The following JPH3 variants were observed in gnomAD, a reference collection of about 807,000 sequenced individuals.
JPH3 encodes junctophilin 3.
In JPH3, 11 loss-of-function variants were observed where a neutral mutation model predicts 59.6. The ratio of observed to expected loss-of-function variants is 0.18; its 90% confidence interval spans 0.12 to 0.31. JPH3 has a LOEUF of 0.31. JPH3 is among the 10% of genes least tolerant of loss of function. JPH3 has a pLI of 1.00. For synonymous variants in JPH3, 673 were observed against 483.6 expected, an observed-to-expected ratio of 1.39 and a Z score of -5.14; for missense variants, 1,202 against 1,105.7, an observed-to-expected ratio of 1.09 and a Z score of -1.24.
At chr16:87,619,467 A>G (rs1320009591) in intron 1 of JPH3, among the ~76,000 whole-genome samples, 1 of 152,184 alleles carries the variant, frequency 6.6e-6, no homozygotes, top group Non-Finnish European at 1.5e-5. Context: ...GACTTCTGAG[A>G]TAAACTGCGC....
At chr16:87,646,546 T>G (rs1030515820) in intron 2 of JPH3, among the ~76,000 whole-genome samples, 1 of 152,230 alleles carries the variant, frequency 6.6e-6, no homozygotes, top group Non-Finnish European at 1.5e-5. Flanking sequence ...CACAGGAAAA[T>G]AAATAACACT....
intron 2 of JPH3, among the ~76,000 whole-genome samples, chr16:87,656,132 G>A (rs2032494194): frequency 6.6e-6 from 1 of 152,234 alleles, no homozygotes; most frequent in African/African-American, 2.4e-5. Flanking sequence ...TGTATGCTGT[G>A]AGCCAGGAGC....
At chr16:87,657,663 C>G (rs1017423523) in intron 2 of JPH3, among the ~76,000 whole-genome samples, 3 of 152,184 alleles carry the variant, frequency 2.0e-5, no homozygotes, top group East Asian at 3.8e-4. Flanking sequence ...TCACTGTGCC[C>G]AGGCCTCTTC....
chr16:87,686,154 C>A (rs1158900810), intron 3 of JPH3, among the ~76,000 whole-genome samples: 2 of 152,212 alleles, frequency 1.3e-5, no homozygotes, highest in Non-Finnish European at 2.9e-5. Flanking sequence ...CACGAGTTTG[C>A]CTTTTGGGTG....
At chr16:87,636,980 GC>G (rs1214101156) in intron 1 of JPH3, among the ~76,000 whole-genome samples, 1 of 152,186 alleles carries the variant, frequency 6.6e-6, no homozygotes, top group Non-Finnish European at 1.5e-5. Flanking sequence ...AGCACTGCCG[GC>G]CAGGCTCCAG....
intron 2 of JPH3, among the ~76,000 whole-genome samples, chr16:87,650,758 G>C (rs556995244): frequency 6.6e-6 from 1 of 152,212 alleles, no homozygotes; most frequent in Non-Finnish European, 1.5e-5. Context: ...ATGCTGTGAA[G>C]GCTGAGAGAG....
Position 87,682,768 on chromosome 16 carries a change from T to G in JPH3, c.1161-1374T>G, listed in dbSNP as rs1285159780. Among the ~76,000 whole-genome samples the G allele has an allele frequency of 1.3e-5, 2 of 152,066 alleles. 1 individual carries two copies. Among genetic ancestry groups the G allele is most frequent in the Non-Finnish European group, 2.9e-5 (2 of 67,988 alleles). ...GTCTGCTCGGAGGGGGGATTTGTCG[T>G]GGGGGAATTGGTCATTGTGCCTCAG... is the stretch of plus-strand genomic sequence containing the variant. On this transcript the variant is annotated intron_variant, in intron 2 of 4. Coordinates refer to ENST00000284262, the MANE Select transcript of JPH3 (RefSeq NM_020655.4).
At chr16:87,647,222 G>A (rs561200617) in intron 2 of JPH3, among the ~76,000 whole-genome samples, 1 of 152,132 alleles carries the variant, frequency 6.6e-6, no homozygotes, top group African/African-American at 2.4e-5. Context: ...GGGCTGGGCC[G>A]GGAGGGCGAG....
chr16:87,637,422 T>TTGTG (rs35239550), intron 1 of JPH3, among the ~76,000 whole-genome samples: 2,637 of 147,586 alleles, frequency 0.018, 40 homozygotes, highest in African/African-American at 0.037. Context: ...GTGTGTGTGT[T>TTGTG]TGTGTGTGTG....
At chr16:87,620,860 G>A (rs1027403002) in intron 1 of JPH3, among the ~76,000 whole-genome samples, 12 of 152,180 alleles carry the variant, frequency 7.9e-5, no homozygotes, top group East Asian at 5.8e-4. Flanking sequence ...AGGAGCATTC[G>A]AAAGAAACTG....
intron 2 of JPH3, among the ~76,000 whole-genome samples, chr16:87,662,209 T>G (rs755769272): frequency 4.6e-5 from 7 of 152,156 alleles, no homozygotes; most frequent in Admixed American, 1.3e-4. Flanking sequence ...GCTGTTTCTC[T>G]GTGACTTGAG....
chr16:87,680,369 C>T (rs1490341262), intron 2 of JPH3, among the ~76,000 whole-genome samples: 5 of 152,252 alleles, frequency 3.3e-5, no homozygotes, highest in East Asian at 1.9e-4. Flanking sequence ...CGGAAGGAAG[C>T]GGTGTGGACC....
intron 3 of JPH3, among the ~76,000 whole-genome samples, chr16:87,689,224 C>T (rs560223422): frequency 1.2e-4 from 19 of 152,296 alleles, no homozygotes; most frequent in South Asian, 6.2e-4. Flanking sequence ...GGGGTGTTGG[C>T]GGCCTTGCTG....
chr16:87,687,792 C>A (rs2033454084), intron 3 of JPH3, among the ~76,000 whole-genome samples: 1 of 152,200 alleles, frequency 6.6e-6, no homozygotes, highest in African/African-American at 2.4e-5. Context: ...GCCAGCCAGG[C>A]CTGATCTCGG....
intron 2 of JPH3, among the ~76,000 whole-genome samples, chr16:87,657,742 C>T (rs1372072374): frequency 6.6e-6 from 1 of 152,208 alleles, no homozygotes; most frequent in Non-Finnish European, 1.5e-5. Context: ...AGACCATGAG[C>T]TGGTCCTTTA....
intron 2 of JPH3, among the ~76,000 whole-genome samples, chr16:87,671,656 C>T (rs917066780): frequency 3.5e-5 from 4 of 113,454 alleles, no homozygotes; most frequent in Non-Finnish European, 3.9e-5. Context: ...CCACCTGCAC[C>T]GGCTCAGCCC....
chr16:87,622,745 C>G (rs942394834), intron 1 of JPH3, among the ~76,000 whole-genome samples: 1 of 152,018 alleles, frequency 6.6e-6, no homozygotes, highest in South Asian at 2.1e-4. Context: ...CAGACCCCCC[C>G]CCGCCCCACC....
chr16:87,613,934 C>T (rs986133352), intron 1 of JPH3, among the ~76,000 whole-genome samples: 4 of 152,166 alleles, frequency 2.6e-5, no homozygotes, highest in African/African-American at 9.7e-5. Context: ...GCGCTGCAAA[C>T]TTGTTTCTGG....
chr16:87,635,681 C>T (rs1284831246), intron 1 of JPH3, among the ~76,000 whole-genome samples: 3 of 152,320 alleles, frequency 2.0e-5, no homozygotes, highest in African/African-American at 4.8e-5. Flanking sequence ...CACCTGCTGG[C>T]GGCCTCATCT....
Sources: allele counts gnomAD v4.1 joint callset (sites outside exome capture counted in the v4.1 genomes callset), GRCh38; gene constraint gnomAD v4.1.1; transcripts MANE v1.5; gene names NCBI Gene and HGNC (gene_info 2026-07-23, HGNC 2026-07-21).